Variants in DPYS observed in about 807,000 individuals in gnomAD.
DPYS encodes dihydropyrimidine amidohydrolase.
A neutral mutation model predicts 50.3 loss-of-function variants in DPYS; 39 were observed. That is an observed-to-expected ratio of 0.78 (90% CI 0.60 to 1.01). DPYS has a LOEUF of 1.01. Ranked by LOEUF, DPYS falls within the 50% of genes least tolerant of loss-of-function variation. DPYS has a pLI of 0.00. For missense variants in DPYS, 659 were observed against 680.9 expected (o/e 0.97, Z 0.36); for synonymous variants, 245 against 250.7 (o/e 0.98, Z 0.22).
At chr8:104,448,624 G>A (rs529305383) in intron 2 of DPYS, among the ~76,000 whole-genome samples, 3 of 148,070 alleles carry the variant, frequency 2.0e-5, no homozygotes, top group Non-Finnish European at 4.4e-5. Flanking sequence ...AGTGTAACAA[G>A]CATAGGATTA....
intron 7 of DPYS, among the ~76,000 whole-genome samples, chr8:104,409,778 C>A (rs1259417088): frequency 6.6e-6 from 1 of 152,190 alleles, no homozygotes; most frequent in East Asian, 1.9e-4. Flanking sequence ...CTCTTCTCAA[C>A]AAGCCCCAAA....
At chr8:104,383,391 C>G (rs1811118564) in intron 8 of DPYS, among the ~76,000 whole-genome samples, 1 of 152,140 alleles carries the variant, frequency 6.6e-6, no homozygotes, top group South Asian at 2.1e-4. Flanking sequence ...GTCAGTCTCC[C>G]CCAGCAGACA....
chr8:104,451,313 C>T lies in DPYS; in HGVS notation c.356G>A (p.Ser119Asn), dbSNP rs762692471. ...GCAGCAAACTTTGGGATCAGCCCAG[C>T]TTCGCCAGGTCTCGAAGGCCTCAAT... ...SLIEAFETWR[S>N]WADPKVCCDY... is the part of the protein sequence containing the mutation. Residue 119 changes from serine to asparagine, a missense_variant, in exon 2 of 10, where the codon AGC becomes AAC. By Grantham distance (46) the Ser-to-Asn change is conservative (BLOSUM62 1). Coordinates refer to ENST00000351513, the MANE Select transcript of DPYS (RefSeq NM_001385.3). 1.1e-5 allele frequency: 18 copies of T among 1,614,080 alleles called. No individual in the cohort carries two copies. The highest frequency in any genetic ancestry group is 1.5e-5 in the Non-Finnish European group (18 of 1,180,040).
intron 7 of DPYS, chr8:104,411,710 C>G (rs915590234): frequency 6.6e-6 from 1 of 152,208 alleles, no homozygotes; most frequent in African/African-American, 2.4e-5. Context: ...AGCACAAATG[C>G]TCAGCAATAC....
intron 1 of DPYS, among the ~76,000 whole-genome samples, chr8:104,463,761 C>T (rs960256166): frequency 2.0e-5 from 3 of 152,194 alleles, no homozygotes; most frequent in African/African-American, 7.2e-5. Flanking sequence ...CCAGTATTTA[C>T]AAAAGGCCTA....
At chr8:104,444,830 C>T (rs911285476) in intron 3 of DPYS, among the ~76,000 whole-genome samples, 5 of 151,282 alleles carry the variant, frequency 3.3e-5, no homozygotes, top group Admixed American at 6.6e-5. Context: ...AAACAACCCA[C>T]AAAATGGGAA....
rs1044599599 is a variant in DPYS at position 104,413,368 on chromosome 8, C to CTA, written c.1235+10877_1235+10878dup. 1.1e-4 allele frequency among the ~76,000 whole-genome samples: 16 copies of CTA among 150,302 alleles called. 1 individual carries two copies. Among genetic ancestry groups the CTA allele is most frequent in the Middle Eastern group, 3.5e-3 (1 of 286 alleles). ...ATATAGTCATGCCTTAGAAATGCAC[C>CTA]TATATATATATAGTAAATAGAAAGA... On this transcript the variant is annotated intron_variant, in intron 7 of 9. Transcript: ENST00000351513.
At chr8:104,432,793 G>A (rs113922155) in intron 4 of DPYS, among the ~76,000 whole-genome samples, 2 of 152,256 alleles carry the variant, frequency 1.3e-5, no homozygotes, top group Admixed American at 6.5e-5. Flanking sequence ...TGGCAATTTT[G>A]TGAAAGTCAA....
In DPYS at chr8:104,392,784, C is replaced by G; in HGVS notation, c.1443G>C (p.Arg481=). 10 of 1,614,042 alleles carry G rather than the reference C, an allele frequency of 6.2e-6. No individual in the cohort carries two copies. The highest frequency in any genetic ancestry group is 8.5e-6 in the Non-Finnish European group (10 of 1,179,962). The change falls in exon 8 of 10, where the codon CGG becomes CGC. Residue 481 remains arginine (R), a splice_region_variant and synonymous_variant. Coordinates refer to ENST00000351513, the MANE Select transcript of DPYS (RefSeq NM_001385.3). ...CAGTATCCCACTGTGGCACACTCAC[C>G]CGGTCTCGCTGCTTTATTCGTTTGT... The part of the protein sequence containing the change: ...YIYKRIKQRD[R]TCTPTPVERA...
rs201310680 is a variant in DPYS, at chr8:104,392,779, C to T, written c.1443+5G>A. On this transcript the variant is annotated splice_donor_5th_base_variant and intron_variant, in intron 8 of 9. Coordinates refer to ENST00000351513, the MANE Select transcript of DPYS (RefSeq NM_001385.3). ...TGTGGCAGTATCCCACTGTGGCACA[C>T]TCACCCGGTCTCGCTGCTTTATTCG... 3.1e-6 allele frequency: 5 copies of T among 1,614,054 alleles called. No individual in the cohort carries two copies. The East Asian group carries it at 6.7e-5, about 22-fold the overall frequency.
At chr8:104,383,970 C>T (rs1811134396) in intron 8 of DPYS, among the ~76,000 whole-genome samples, 2 of 152,138 alleles carry the variant, frequency 1.3e-5, no homozygotes, top group African/African-American at 4.8e-5. Flanking sequence ...TGGAGCCAGC[C>T]ATGTCTGGCT....
chr8:104,437,646 A>G (rs1273126610), intron 4 of DPYS, among the ~76,000 whole-genome samples: 4 of 152,172 alleles, frequency 2.6e-5, no homozygotes, highest in Non-Finnish European at 5.9e-5. Flanking sequence ...AACCATAGAA[A>G]TACCCAATCA....
At chr8:104,443,251 A>G (rs1264058869) in intron 4 of DPYS, among the ~76,000 whole-genome samples, 1 of 152,206 alleles carries the variant, frequency 6.6e-6, no homozygotes, top group Non-Finnish European at 1.5e-5. Flanking sequence ...TTGGCAAAAG[A>G]GTGAAATCAT....
intron 7 of DPYS, among the ~76,000 whole-genome samples, chr8:104,395,275 G>A (rs187546764): frequency 2.0e-4 from 31 of 152,236 alleles, no homozygotes; most frequent in African/African-American, 6.0e-4. Context: ...TTGGGATTAC[G>A]GGCATGAGTC....
intron 8 of DPYS, among the ~76,000 whole-genome samples, chr8:104,389,073 C>T (rs1811305792): frequency 6.6e-6 from 1 of 152,304 alleles, no homozygotes; most frequent in Middle Eastern, 3.4e-3. Flanking sequence ...AGATGCTGCT[C>T]TGAAGGAACT....
At chr8:104,379,956 C>T (rs746191420) in intron 9 of DPYS, 113 bp from the exon 10 acceptor site, 1 of 374,480 alleles carries the variant, frequency 2.7e-6, no homozygotes, top group Non-Finnish European at 5.4e-6. Flanking sequence ...AATCCTGCTC[C>T]TATAAATGTC....
At position 104,392,857 on chromosome 8, in the gene DPYS, G is replaced by A; in HGVS notation, c.1370C>T (p.Ala457Val). 6.2e-7 allele frequency: 1 copy of A among 1,614,144 alleles called. No homozygotes were observed. Among genetic ancestry groups the A allele is most frequent in the Non-Finnish European group, 8.5e-7 (1 of 1,180,038 alleles). The change falls in exon 8 of 10, where the codon GCA becomes GTA. Residue 457 changes from alanine (A) to valine (V), a missense_variant. By Grantham distance (64) the Ala-to-Val change is moderately conservative. Coordinates refer to ENST00000351513, the MANE Select transcript of DPYS (RefSeq NM_001385.3). ...TCGAGGAATAAACTTCCCATCTCCT[G>A]CCGTGACACTGAACACTCCGGCTTC... ...VYEAGVFSVTAGDGKFIPRKP... is the reference protein window; with the variant it reads ...VYEAGVFSVTVGDGKFIPRKP...
At chr8:104,383,245 G>A (rs1263780191) in intron 8 of DPYS, among the ~76,000 whole-genome samples, 1 of 152,140 alleles carries the variant, frequency 6.6e-6, no homozygotes, top group Non-Finnish European at 1.5e-5. Context: ...CTGGGCTGCC[G>A]CTTTCATTTT....
chr8:104,402,454 C>T (rs550159418), intron 7 of DPYS, among the ~76,000 whole-genome samples: 30 of 152,210 alleles, frequency 2.0e-4, no homozygotes, highest in Middle Eastern at 6.8e-3. Context: ...AGGTAAGGTA[C>T]GATTATTAGC....
Sources: gnomAD v4.1 joint callset for allele counts (sites outside exome capture counted in the v4.1 genomes callset) on GRCh38, gnomAD v4.1.1 for gene constraint, MANE v1.5 for transcripts, NCBI Gene and HGNC (gene_info 2026-07-23, HGNC 2026-07-21) for gene names.